The following RIMS2 variants were observed in gnomAD, a reference collection of about 807,000 sequenced individuals.
RIMS2 encodes regulating synaptic membrane exocytosis 2.
A neutral mutation model predicts 174.4 loss-of-function variants in RIMS2; 59 were observed. The observed-to-expected ratio is 0.34, with a 90% CI of 0.27 to 0.42. RIMS2 has a LOEUF of 0.42. Ranked by LOEUF, RIMS2 falls within the 10% of genes least tolerant of loss-of-function variation. RIMS2 has a pLI of 1.00. For missense variants in RIMS2, 1,620 were observed against 1,666.3 expected (o/e 0.97, Z 0.48); for synonymous variants, 606 against 572.5 (o/e 1.06, Z -0.84).
chr8:103,793,981 C>A (rs536385902), intron 3 of RIMS2, among the ~76,000 whole-genome samples: 1 of 152,070 alleles, frequency 6.6e-6, no homozygotes, highest in Non-Finnish European at 1.5e-5. Flanking sequence ...TAGGAAGAAT[C>A]AATATCGTGA....
intron 17 of RIMS2, among the ~76,000 whole-genome samples, chr8:103,991,563 A>G (rs1390502687): frequency 6.6e-6 from 1 of 152,038 alleles, no homozygotes; most frequent in African/African-American, 2.4e-5. Flanking sequence ...TCTTACAGTG[A>G]ATTTTCATGA....
chr8:103,930,628 C>T (rs1595363181), intron 11 of RIMS2, among the ~76,000 whole-genome samples: 1 of 152,044 alleles, frequency 6.6e-6, no homozygotes, highest in African/African-American at 2.4e-5. Context: ...ATAAAATGTA[C>T]TCTTTTATCC....
At chr8:103,630,830 G>A (rs910790515) in intron 1 of RIMS2, among the ~76,000 whole-genome samples, 3 of 152,074 alleles carry the variant, frequency 2.0e-5, no homozygotes, top group African/African-American at 4.8e-5. Flanking sequence ...GAGAACAGGT[G>A]GAACACAGCC....
chr8:103,850,328 A>G (rs181613352), intron 3 of RIMS2, among the ~76,000 whole-genome samples: 13 of 152,174 alleles, frequency 8.5e-5, no homozygotes, highest in Admixed American at 7.2e-4. Flanking sequence ...TGCAATGAGT[A>G]TTTAATTTCA....
chr8:103,784,118 TG>T (rs1191249866), intron 3 of RIMS2, among the ~76,000 whole-genome samples: 1 of 149,022 alleles, frequency 6.7e-6, no homozygotes, highest in African/African-American at 2.5e-5. Flanking sequence ...TGGGGTTGTT[TG>T]TTTTTTTCTT....
At chr8:103,864,678 T>C (rs2099076061) in intron 3 of RIMS2, among the ~76,000 whole-genome samples, 1 of 152,288 alleles carries the variant, frequency 6.6e-6, no homozygotes, top group East Asian at 1.9e-4. Context: ...GCACTGGACA[T>C]ATATTATCTC....
downstream of RIMS2, chr8:104,252,807 G>T (rs2140351510): frequency 6.6e-6 from 1 of 152,196 alleles, no homozygotes; most frequent in Non-Finnish European, 1.5e-5. Flanking sequence ...AGTTCAATAT[G>T]TGCAAATTTT....
chr8:104,248,890 CTTCTCTCTCTCTCTCTCTCTCT>C, intron 21 of RIMS2, 77 bp downstream of exon 27: 2 of 598,018 alleles, frequency 3.3e-6, no homozygotes, highest in Non-Finnish European at 5.9e-6. Context: ...TTCATAGAAT[CTTCTCTCTCTCTCTCTCTCTCT>C]TTCCCTCTCT....
chr8:103,671,742 T>C (rs1299224162), intron 1 of RIMS2, among the ~76,000 whole-genome samples: 3 of 152,204 alleles, frequency 2.0e-5, no homozygotes, highest in African/African-American at 7.2e-5. Context: ...TAACTTAACA[T>C]AATAACTATA....
intron 2 of RIMS2, among the ~76,000 whole-genome samples, chr8:103,753,825 CTTT>C (rs2097930115): frequency 1.3e-5 from 2 of 152,090 alleles, no homozygotes; most frequent in South Asian, 4.1e-4. Context: ...CTGTTTTCTT[CTTT>C]ATTAGTCTTG....
chr8:103,611,330 T>C (rs183786648), intron 1 of RIMS2, among the ~76,000 whole-genome samples: 1 of 152,320 alleles, frequency 6.6e-6, no homozygotes, highest in East Asian at 1.9e-4. Context: ...TAGTCTTTCT[T>C]CTTAAGAGGA....
At chr8:103,968,309 G>A (rs2092395509) in intron 15 of RIMS2, among the ~76,000 whole-genome samples, 1 of 152,044 alleles carries the variant, frequency 6.6e-6, no homozygotes. Context: ...TTTAGTTAGT[G>A]CATGTAAATG....
chr8:104,162,809 A>C (rs2098771606), intron 19 of RIMS2, among the ~76,000 whole-genome samples: 1 of 152,212 alleles, frequency 6.6e-6, no homozygotes, highest in African/African-American at 2.4e-5. Context: ...TACAAGAAAA[A>C]GAAGTCTTTA....
chr8:104,211,768 C>G (rs2099106459), intron 19 of RIMS2, among the ~76,000 whole-genome samples: 1 of 152,118 alleles, frequency 6.6e-6, no homozygotes, highest in Non-Finnish European at 1.5e-5. Context: ...CCCAACTCGG[C>G]CTCCCAAAGT....
At chr8:103,829,830 A>G (rs893553666) in intron 3 of RIMS2, among the ~76,000 whole-genome samples, 2 of 152,210 alleles carry the variant, frequency 1.3e-5, no homozygotes, top group African/African-American at 2.4e-5. Flanking sequence ...AAACCTGCAC[A>G]TGTACCCCCA....
intron 1 of RIMS2, among the ~76,000 whole-genome samples, chr8:103,614,954 G>A (rs892575940): frequency 1.5e-4 from 23 of 152,062 alleles, no homozygotes; most frequent in African/African-American, 5.6e-4. Context: ...AGTTGAATTG[G>A]CATTTATTGG....
At position 104,193,028 on chromosome 8, in the gene RIMS2, AAG is replaced by A. The variant is rs532219209; in HGVS notation, c.3335-51885_3335-51884del. 2.6e-3 allele frequency among the ~76,000 whole-genome samples: 394 copies of A among 151,808 alleles called. 6 individuals carry two copies. The highest frequency in any genetic ancestry group is 9.3e-4 in the Non-Finnish European group (63 of 67,850). On this transcript the variant is annotated intron_variant, in intron 19 of 23. Transcript: ENST00000504942. ...CTTCACGTAGGTATACACTGAGAGAAAGAGTCTGCTTTTTCTCCTCCCCTCTC... is the reference window on the plus strand; with the variant it reads ...CTTCACGTAGGTATACACTGAGAGAAAGTCTGCTTTTTCTCCTCCCCTCTC...
intron 1 of RIMS2, among the ~76,000 whole-genome samples, chr8:103,531,172 A>G (rs1436404338): frequency 6.6e-6 from 1 of 152,036 alleles, no homozygotes; most frequent in Admixed American, 6.6e-5. Context: ...ATGACTGCAG[A>G]ATATCTTTAA....
intron 1 of RIMS2, among the ~76,000 whole-genome samples, chr8:103,537,293 A>C (rs1373732559): frequency 3.9e-5 from 6 of 152,236 alleles, no homozygotes; most frequent in Non-Finnish European, 8.8e-5. Flanking sequence ...CTATATGGTT[A>C]ACGCCTGAGA....
Sources: gnomAD v4.1 joint callset for allele counts (sites outside exome capture counted in the v4.1 genomes callset) on GRCh38, gnomAD v4.1.1 for gene constraint, MANE v1.5 for transcripts, NCBI Gene and HGNC (gene_info 2026-07-23, HGNC 2026-07-21) for gene names.